The following CUZD1 variants were observed in gnomAD, a reference collection of about 807,000 sequenced individuals.
The protein encoded by CUZD1 is CUB and zona pellucida like domains 1, also known as CUB and zona pellucida-like domain-containing protein 1.
In CUZD1, 42 loss-of-function variants were observed where a neutral mutation model predicts 53.1. The observed-to-expected ratio is 0.79, with a 90% CI of 0.62 to 1.02. The LOEUF is 1.02. Ranked by LOEUF, CUZD1 falls within the 50% of genes least tolerant of loss-of-function variation. The probability of loss-of-function intolerance (pLI) is 0.00; values close to 1 mark genes in which losing one functional copy is unlikely to be tolerated. For synonymous variants in CUZD1, 238 were observed against 257.2 expected, an observed-to-expected ratio of 0.93 and a Z score of 0.71; for missense variants, 670 against 715.7, an observed-to-expected ratio of 0.94 and a Z score of 0.73.
intron 7 of CUZD1, 82 bp downstream of exon 7, chr10:122,834,624 C>T (rs960970216): frequency 1.6e-6 from 2 of 1,215,318 alleles, no homozygotes; most frequent in Non-Finnish European, 2.2e-6. Flanking sequence ...TGTATATATA[C>T]ACAACACAAA....
chr10:122,838,272 A>C (rs944350853), intron 3 of CUZD1, among the ~76,000 whole-genome samples: 5 of 152,196 alleles, frequency 3.3e-5, no homozygotes, highest in African/African-American at 1.2e-4. Flanking sequence ...TGACTGCTGC[A>C]CTCTGGAGAT....
At chr10:122,840,109 C>T (rs1271340919) in intron 2 of CUZD1, among the ~76,000 whole-genome samples, 2 of 152,232 alleles carry the variant, frequency 1.3e-5, no homozygotes, top group African/African-American at 4.8e-5. Context: ...TCTTCTTACA[C>T]AGCAAGAATA....
At chr10:122,834,584 T>C (rs958705683) in intron 7 of CUZD1, 122 bp downstream of exon 7, 56 of 614,550 alleles carry the variant, frequency 9.1e-5, no homozygotes, top group Non-Finnish European at 1.3e-4. Flanking sequence ...AGAATAAATG[T>C]AATGAAATTT....
rs1847171954 is a variant in CUZD1, at chr10:122,832,189, C to T, written c.*89G>A. 2.2e-6 allele frequency: 3 copies of T among 1,352,868 alleles called. No individual in the cohort carries two copies. Among genetic ancestry groups the T allele is most frequent in the Non-Finnish European group, 3.1e-6 (3 of 966,640 alleles). 83.8% of individuals were successfully genotyped at this position (1,352,868 alleles called of 1,614,324 possible). On this transcript the variant is annotated 3_prime_UTR_variant, in exon 9 of 9. Transcript: ENST00000392790. ...CCTGTGTGTCACTTTCAGGCCCTTC[C>T]TCATTTATTCATAATATGTGTAGCC...
Position 122,834,959 on chromosome 10 carries a change from A to G in CUZD1, c.1129T>C (p.Tyr377His), listed in dbSNP as rs1847224949. The G allele has an allele frequency of 4.3e-6, 7 of 1,613,878 alleles. No homozygotes were observed. The highest frequency in any genetic ancestry group is 5.9e-6 in the Non-Finnish European group (7 of 1,179,826). The change falls in exon 7 of 9, where the codon TAC becomes CAC. Residue 377 changes from tyrosine (Y) to histidine (H), a missense_variant. Transcript: ENST00000392790. ...TGTATTACATCATCTTCTGTTATGT[A>G]TATTATCTCCACTGTAGAATTATGT... is the stretch of plus-strand genomic sequence containing the variant. ...MGHNSTVEII[Y>H]ITEDDVIQSQ...
chr10:122,841,805 T>C (rs907174582), intron 1 of CUZD1, among the ~76,000 whole-genome samples: 1 of 152,240 alleles, frequency 6.6e-6, no homozygotes, highest in East Asian at 1.9e-4. Flanking sequence ...TTGCTTTGTA[T>C]AGCCATTCTA....
intron 1 of CUZD1, among the ~76,000 whole-genome samples, chr10:122,844,823 C>T (rs1452752989): frequency 6.6e-6 from 1 of 151,680 alleles, no homozygotes; most frequent in Non-Finnish European, 1.5e-5. Flanking sequence ...GGTCAAAAAC[C>T]CCACCTACAT....
At chr10:122,843,810 C>CATATATATATATATATATATATAT (rs61634361) in intron 1 of CUZD1, among the ~76,000 whole-genome samples, 7 of 137,356 alleles carry the variant, frequency 5.1e-5, no homozygotes, top group African/African-American at 1.4e-4. Flanking sequence ...TATATACATA[C>CATATATATATATATATATATATAT]ATATATATAT....
At chr10:122,843,626 C>A (rs117545719) in intron 1 of CUZD1, among the ~76,000 whole-genome samples, 1,811 of 151,954 alleles carry the variant, frequency 0.012, 20 homozygotes, top group South Asian at 0.031. Context: ...ACATACGAAC[C>A]TTGAAAATAT....
chr10:122,839,131 A>G lies in CUZD1; in HGVS notation c.334T>C (p.Tyr112His). 6.2e-7 allele frequency: 1 copy of G among 1,614,114 alleles called. No homozygotes were observed. The change falls in exon 3 of 9, where the codon TAT becomes CAT. Residue 112 changes from tyrosine (Y) to histidine (H), a missense_variant. Coordinates refer to ENST00000392790, the MANE Select transcript of CUZD1 (RefSeq NM_022034.6). Reference protein sequence around the residue: ...LLGQVCSKNDYVPVFESSSST... With the variant: ...LLGQVCSKNDHVPVFESSSST... ...GATGATGATTCAAATACAGGAACATAGTCGTTTTTACTGCAGACTTGCCCT... is the reference window on the plus strand; with the variant it reads ...GATGATGATTCAAATACAGGAACATGGTCGTTTTTACTGCAGACTTGCCCT...
chr10:122,837,386 T>C lies in CUZD1; in HGVS notation c.599+18A>G, dbSNP rs866458273. The C allele has an allele frequency of 1.2e-5, 19 of 1,613,608 alleles. No homozygotes were observed. The Middle Eastern group carries it at 6.6e-4, about 56-fold the overall frequency. On this transcript the variant is annotated intron_variant, in intron 4 of 8. Coordinates refer to ENST00000392790, the MANE Select transcript of CUZD1 (RefSeq NM_022034.6). The stretch of plus-strand genomic sequence containing the variant: ...GTTTACTGCATTTGTTCCAACAGAA[T>C]TGGGCAGCAGTACTTACAAAATCTC...
chr10:122,841,302 C>G lies in CUZD1; in HGVS notation c.109G>C (p.Gly37Arg), dbSNP rs1330332954. 3 of 1,611,442 alleles carry G rather than the reference C, an allele frequency of 1.9e-6. No homozygotes were observed. The South Asian group carries it at 3.3e-5, about 18-fold the overall frequency. Reference protein sequence around the residue: ...EGNASCTVSLGGANMAETHKA... With the variant: ...EGNASCTVSLRGANMAETHKA... Reference sequence around the variant, plus strand: ...TGGGTCTCTGCCATATTGGCACCCCCTAGACTGACTGTGCAGCTTGCATTG... The same window carrying G: ...TGGGTCTCTGCCATATTGGCACCCCGTAGACTGACTGTGCAGCTTGCATTG... Residue 37 changes from glycine (G) to arginine (R), a missense_variant, in exon 2 of 9, where the codon GGG (glycine) becomes CGG (arginine). Physicochemically the swap from Gly to Arg is moderately radical, Grantham distance 125. Coordinates refer to ENST00000392790, the MANE Select transcript of CUZD1 (RefSeq NM_022034.6).
At chr10:122,842,924 A>G (rs890595098) in intron 1 of CUZD1, among the ~76,000 whole-genome samples, 1 of 152,206 alleles carries the variant, frequency 6.6e-6, no homozygotes, top group African/African-American at 2.4e-5. Context: ...ATCACTTCAC[A>G]TGCATTAGGA....
At position 122,836,331 on chromosome 10, in the gene CUZD1, A is replaced by T. The variant is rs1397661809; in HGVS notation, c.837T>A (p.Ser279=). The change falls in exon 6 of 9, where the codon TCT becomes TCA. Residue 279 remains serine, a synonymous_variant. Coordinates refer to ENST00000392790, the MANE Select transcript of CUZD1 (RefSeq NM_022034.6). ...TGCTTATAATAACTCTCATCCTGTC[A>T]GAAGAGCAAGTTAAAGATGCTGTCA... ...NINTTSLTCS[S]DRMRVIISKS... 6.4e-7 allele frequency: 1 copy of T among 1,565,560 alleles called. No individual in the cohort carries two copies. The highest frequency in any genetic ancestry group is 2.1e-5 in the Admixed American group (1 of 47,398).
At chr10:122,843,943 T>G (rs1297660205) in intron 1 of CUZD1, among the ~76,000 whole-genome samples, 1 of 147,814 alleles carries the variant, frequency 6.8e-6, no homozygotes, top group African/African-American at 2.5e-5. Context: ...GGTCTATATA[T>G]AGAGACTATA....
At position 122,833,526 on chromosome 10, in the gene CUZD1, C is replaced by T. The variant is rs911356413; in HGVS notation, c.1651+146G>A. ...TATTATCAACTGATGGAAATAAATA[C>T]TAATCCTATATACTTAAAATTCAAC... is the stretch of plus-strand genomic sequence containing the variant. On this transcript the variant is annotated intron_variant, in intron 8 of 8. Coordinates refer to ENST00000392790, the MANE Select transcript of CUZD1 (RefSeq NM_022034.6). The T allele has an allele frequency of 3.8e-6, 3 of 789,958 alleles. No homozygotes were observed. In the East Asian group the frequency reaches 7.8e-5, roughly 20 times the overall value. The allele number at this position is 789,958 out of a possible 1,614,324, so 48.9% of individuals were successfully genotyped here.
intron 7 of CUZD1, 151 bp from the exon 8 acceptor site, chr10:122,834,091 C>G (rs1433152351): frequency 1.6e-6 from 1 of 644,390 alleles, no homozygotes; most frequent in African/African-American, 1.8e-5. Flanking sequence ...AGACTATAGA[C>G]CTGATTCCTG....
chr10:122,845,834 C>A lies in CUZD1; in HGVS notation c.10G>T (p.Val4Leu). MELVRRLMPLTLLI... is the reference protein window; with the variant it reads MELLRRLMPLTLLI... Reference sequence around the variant, plus strand: ...AGGGTCAATGGCATGAGCCTTCTTACAAGCTCCATTTTGGCAAGGCGCTGG... The same window carrying A: ...AGGGTCAATGGCATGAGCCTTCTTAAAAGCTCCATTTTGGCAAGGCGCTGG... Residue 4 changes from valine to leucine, a missense_variant, in exon 1 of 9, where the codon GTA becomes TTA. By Grantham distance (32) the Val-to-Leu change is conservative. Coordinates refer to ENST00000392790, the MANE Select transcript of CUZD1 (RefSeq NM_022034.6). 6.2e-7 allele frequency: 1 copy of A among 1,613,948 alleles called. No individual in the cohort carries two copies. Among genetic ancestry groups the A allele is most frequent in the Non-Finnish European group, 8.5e-7 (1 of 1,179,954 alleles).
At chr10:122,843,055 T>C (rs907921519) in intron 1 of CUZD1, among the ~76,000 whole-genome samples, 1 of 152,158 alleles carries the variant, frequency 6.6e-6, no homozygotes, top group Non-Finnish European at 1.5e-5. Context: ...AGTCTGGCAG[T>C]TCCTCAAAAG....
Sources: allele counts gnomAD v4.1 joint callset (sites outside exome capture counted in the v4.1 genomes callset), GRCh38; gene constraint gnomAD v4.1.1; transcripts MANE v1.5; gene names NCBI Gene and HGNC (gene_info 2026-07-23, HGNC 2026-07-21).